The following SUPT16H variants were observed in gnomAD, a reference collection of about 807,000 sequenced individuals.
SUPT16H encodes SPT16 homolog, facilitates chromatin remodeling subunit.
SUPT16H carries 24 observed loss-of-function variants against 136.2 expected under a neutral mutation model. The ratio of observed to expected loss-of-function variants is 0.18; its 90% CI spans 0.13 to 0.25. The LOEUF (loss-of-function observed/expected upper bound fraction) is 0.25. SUPT16H is among the 10% of genes least tolerant of loss of function. The pLI is 1.00. For synonymous variants in SUPT16H, 415 were observed against 428.2 expected, an observed-to-expected ratio of 0.97 and a Z score of 0.38; for missense variants, 623 against 1,270.2, an observed-to-expected ratio of 0.49 and a Z score of 7.74.
rs1275469390 is a variant in SUPT16H at position 21,381,621 on chromosome 14, TTA to T, written c.66+2239_66+2240del. Among the ~76,000 whole-genome samples the T allele has an allele frequency of 5.5e-3, 623 of 113,678 alleles. 7 individuals carry two copies. Among genetic ancestry groups the T allele is most frequent in the African/African-American group, 0.017 (580 of 33,322 alleles). The allele number at this position is 113,678 out of a possible 152,430, so 74.6% of individuals were successfully genotyped here. On this transcript the variant is annotated intron_variant, in intron 1 of 25. Transcript: ENST00000216297. ...GGCTTGGGATTTATTTTTTTTTTTTTTAATTTATTTTTTAAAGACGGGGTCTC... is the reference window on the plus strand; with the variant it reads ...GGCTTGGGATTTATTTTTTTTTTTTTATTTATTTTTTAAAGACGGGGTCTC...
intron 1 of SUPT16H, among the ~76,000 whole-genome samples, chr14:21,375,510 C>T (rs1391931089): frequency 7.0e-6 from 1 of 141,884 alleles, no homozygotes; most frequent in African/African-American, 2.6e-5. Context: ...CATTTTCTCC[C>T]ATTCTGTGCA....
intron 19 of SUPT16H, among the ~76,000 whole-genome samples, chr14:21,359,040 C>A (rs1340043820): frequency 6.6e-6 from 1 of 151,986 alleles, no homozygotes; most frequent in Non-Finnish European, 1.5e-5. Flanking sequence ...CTCCTGACCT[C>A]GTGATCTGCC....
chr14:21,354,958 G>C (rs17104027), intron 22 of SUPT16H: 7,872 of 160,070 alleles, frequency 0.049, 328 homozygotes, highest in African/African-American at 0.12. Context: ...TGATCTCCTA[G>C]AGCACTAGCC....
intron 3 of SUPT16H, 30 bp from the exon 4 acceptor site, chr14:21,370,518 A>C (rs540903683): frequency 4.3e-6 from 7 of 1,611,204 alleles, no homozygotes; most frequent in Non-Finnish European, 5.9e-6. Flanking sequence ...GAAAAGACAC[A>C]TATGTTTTAC....
chr14:21,379,064 A>G (rs1018087257), intron 1 of SUPT16H, among the ~76,000 whole-genome samples: 1 of 152,216 alleles, frequency 6.6e-6, no homozygotes, highest in South Asian at 2.1e-4. Flanking sequence ...CCATATAATC[A>G]GTTACCACTG....
At chr14:21,372,569 G>A (rs1886809837) in intron 2 of SUPT16H, 2 of 364,930 alleles carry the variant, frequency 5.5e-6, no homozygotes, top group Non-Finnish European at 1.1e-5. Context: ...AAAAGAAAAG[G>A]TGGCCTCCTG....
At position 21,359,467 on chromosome 14, in the gene SUPT16H, T is replaced by C; in HGVS notation, c.2301+17A>G. On this transcript the variant is annotated intron_variant, in intron 19 of 25. Coordinates refer to ENST00000216297, the MANE Select transcript of SUPT16H (RefSeq NM_007192.4). ...CTCCCTCACTATCCTGCAAATACAA[T>C]ACTAAATTTCACAAACCTGCTCAGC... 2 of 1,611,202 alleles carry C rather than the reference T, an allele frequency of 1.2e-6. No individual in the cohort carries two copies. Among genetic ancestry groups the C allele is most frequent in the Non-Finnish European group, 1.7e-6 (2 of 1,179,354 alleles).
In SUPT16H at chr14:21,370,555, A is replaced by G. The variant is rs1462987269; in HGVS notation, c.331-67T>C. 4 of 1,517,276 alleles carry G rather than the reference A, an allele frequency of 2.6e-6. No homozygotes were observed. The African/African-American group carries it at 4.2e-5, about 16-fold the overall frequency. The allele number at this position is 1,517,276 out of a possible 1,614,324, so 94.0% of individuals were successfully genotyped here. On this transcript the variant is annotated intron_variant, in intron 3 of 25. Transcript: ENST00000216297. Reference sequence around the variant, plus strand: ...AGTTCATTAGACACGTTTTACCAGTAACAGGTAGAATAATATTCTAAACTA... The same window carrying G: ...AGTTCATTAGACACGTTTTACCAGTGACAGGTAGAATAATATTCTAAACTA...
intron 1 of SUPT16H, among the ~76,000 whole-genome samples, chr14:21,380,087 T>C (rs1272012422): frequency 1.3e-5 from 2 of 152,146 alleles, no homozygotes; most frequent in African/African-American, 4.8e-5. Context: ...TTCTATGTCA[T>C]TACCCCCTAA....
intron 10 of SUPT16H, 151 bp from the exon 11 acceptor site, chr14:21,363,654 C>G (rs1195353952): frequency 1.5e-6 from 1 of 686,218 alleles, no homozygotes. Context: ...AACCTCTAAC[C>G]TCTCGTCAGG....
intron 15 of SUPT16H, 138 bp downstream of exon 15, chr14:21,362,055 AGAAG>A: frequency 3.1e-6 from 3 of 971,972 alleles, no homozygotes; most frequent in Non-Finnish European, 4.4e-6. Flanking sequence ...TACAAAGTCA[AGAAG>A]GCGATCCGAA....
chr14:21,371,756 A>C, intron 3 of SUPT16H, 118 bp downstream of exon 3: 1 of 1,237,600 alleles, frequency 8.1e-7, no homozygotes. Context: ...CTTTGTAATT[A>C]CAACCACAGC....
intron 1 of SUPT16H, among the ~76,000 whole-genome samples, chr14:21,379,865 A>G (rs943790890): frequency 6.9e-6 from 1 of 145,964 alleles, no homozygotes; most frequent in Non-Finnish European, 1.5e-5. Flanking sequence ...AGCCTCAGCC[A>G]CAGAGTGAAA....
chr14:21,359,291 C>T (rs546579156), intron 19 of SUPT16H, among the ~76,000 whole-genome samples, 193 bp downstream of exon 19: 1 of 151,822 alleles, frequency 6.6e-6, no homozygotes, highest in Admixed American at 6.6e-5. Flanking sequence ...GACAGGGTTT[C>T]ACCACATTGG....
intron 22 of SUPT16H, 146 bp downstream of exon 22, chr14:21,357,051 T>A: frequency 1.4e-6 from 1 of 723,730 alleles, no homozygotes; most frequent in East Asian, 3.3e-5. Context: ...CTAATAGATC[T>A]CAAGTTTTCA....
rs1886828559 is a variant in SUPT16H, at chr14:21,373,345, G to A, written c.152C>T (p.Ala51Val). The A allele has an allele frequency of 1.9e-6, 3 of 1,612,902 alleles. No homozygotes were observed. The highest frequency in any genetic ancestry group is 2.5e-6 in the Non-Finnish European group (3 of 1,178,932). ...TTGCTGTAAATCTCTCACCTGTAAG[G>A]CAGTTGATTTGGCATAAACAATTTC... Reference protein sequence around the residue: ...DEEIVYAKSTALQTWLFGYEL... With the variant: ...DEEIVYAKSTVLQTWLFGYEL... Residue 51 changes from alanine (A) to valine (V), a missense_variant, in exon 2 of 26, where the codon GCC becomes GTC. Physicochemically the swap from Ala to Val is moderately conservative, Grantham distance 64. Around this residue, in one of 7 missense-constraint regions of SUPT16H, gnomAD observed 343 missense variants for 525.7 expected, o/e 0.65. Coordinates refer to ENST00000216297, the MANE Select transcript of SUPT16H (RefSeq NM_007192.4).
rs770652996 is a variant in SUPT16H at position 21,362,967 on chromosome 14, C to T, written c.1512-20G>A. 7.4e-6 allele frequency: 12 copies of T among 1,612,984 alleles called. No individual in the cohort carries two copies. The highest frequency in any genetic ancestry group is 1.6e-4 in the Middle Eastern group (1 of 6,082). ...CGAGCTCTGGAGTGGGATAAAAAAA[C>T]AACTGAGAAATTTCTGCAGTCCCAC... On this transcript the variant is annotated intron_variant, in intron 13 of 25. Coordinates refer to ENST00000216297, the MANE Select transcript of SUPT16H (RefSeq NM_007192.4).
intron 10 of SUPT16H, among the ~76,000 whole-genome samples, 164 bp from the exon 11 acceptor site, chr14:21,363,667 C>A (rs1886605376): frequency 6.6e-6 from 1 of 152,078 alleles, no homozygotes; most frequent in Non-Finnish European, 1.5e-5. Context: ...TCGTCAGGAG[C>A]TACAATTTTT....
intron 8 of SUPT16H, among the ~76,000 whole-genome samples, chr14:21,365,855 C>A (rs1886654927): frequency 6.6e-6 from 1 of 152,136 alleles, no homozygotes; most frequent in South Asian, 2.1e-4. Flanking sequence ...GTAATCCCAG[C>A]ACTTTGGGAG....
Sources: gnomAD v4.1 joint callset for allele counts (sites outside exome capture counted in the v4.1 genomes callset) on GRCh38, gnomAD v4.1.1 for gene constraint, gnomAD v4.1.1 regional missense constraint, MANE v1.5 for transcripts, NCBI Gene and HGNC (gene_info 2026-07-23, HGNC 2026-07-21) for gene names.